The following MECOM variants were observed in gnomAD, a reference collection of about 807,000 sequenced individuals.
MECOM encodes MDS1 and EVI1 complex locus, also known as histone-lysine N-methyltransferase MECOM.
In MECOM, 13 loss-of-function variants were observed where a neutral mutation model predicts 116.3. The observed-to-expected ratio is 0.11, with a 90% CI of 0.07 to 0.18. MECOM has a LOEUF of 0.18. Ranked by LOEUF, MECOM falls within the 10% of genes least tolerant of loss-of-function variation. MECOM has a pLI of 1.00. For synonymous variants in MECOM, 528 were observed against 535.2 expected (o/e 0.99, Z 0.19); for missense variants, 1,299 against 1,509.0 (o/e 0.86, Z 2.31).
chr3:169,657,498 A>T (rs1178108495), intron 1 of MECOM, among the ~76,000 whole-genome samples: 1 of 152,230 alleles, frequency 6.6e-6, no homozygotes, highest in Non-Finnish European at 1.5e-5. Context: ...GAGTTTATTT[A>T]TTTAGAAACT....
intron 1 of MECOM, among the ~76,000 whole-genome samples, chr3:169,446,923 G>C (rs1744733450): frequency 6.6e-6 from 1 of 152,082 alleles, no homozygotes; most frequent in African/African-American, 2.4e-5. Flanking sequence ...TGCCATTGTG[G>C]TTCACTAAGT....
intron 1 of MECOM, among the ~76,000 whole-genome samples, chr3:169,431,888 T>C (rs1252794951): frequency 6.6e-6 from 1 of 152,152 alleles, no homozygotes; most frequent in African/African-American, 2.4e-5. Flanking sequence ...AGGAGGGAGC[T>C]GCTATCAGGT....
intron 1 of MECOM, among the ~76,000 whole-genome samples, chr3:169,536,571 GA>G (rs1344967683): frequency 6.6e-5 from 10 of 151,538 alleles, no homozygotes; most frequent in East Asian, 5.8e-4. Context: ...AAAAGAAAAA[GA>G]AAAAAATTAG....
chr3:169,281,809 CA>C (rs1342245329), intron 2 of MECOM, among the ~76,000 whole-genome samples: 2 of 150,904 alleles, frequency 1.3e-5, no homozygotes, highest in South Asian at 2.1e-4. Flanking sequence ...GATCCTGTCT[CA>C]AAAAAAAATT....
intron 1 of MECOM, among the ~76,000 whole-genome samples, chr3:169,597,261 A>G (rs748499019): frequency 6.6e-6 from 1 of 152,254 alleles, no homozygotes; most frequent in Non-Finnish European, 1.5e-5. Flanking sequence ...CAGTCATACT[A>G]AATGACAGCT....
At chr3:169,306,240 A>G (rs1323816960) in intron 2 of MECOM, among the ~76,000 whole-genome samples, 2 of 152,176 alleles carry the variant, frequency 1.3e-5, no homozygotes, top group Non-Finnish European at 2.9e-5. Flanking sequence ...TTATTAATTA[A>G]TATATACTAA....
chr3:169,097,818 A>AT lies in MECOM; in HGVS notation c.2850-2574_2850-2573insA, dbSNP rs1491185177. On this transcript the variant is annotated intron_variant, in intron 12 of 16. Coordinates refer to ENST00000651503, the MANE Select transcript of MECOM (RefSeq NM_004991.4). ...ACAGAGTGAGACCTACTGTCTATAT[A>AT]AAAAAAAAAAAAAAAAAAAAAAGGT... 4.5e-4 allele frequency among the ~76,000 whole-genome samples: 12 copies of AT among 26,704 alleles called. No individual in the cohort carries two copies. In the South Asian group the frequency reaches 5.9e-3, roughly 13 times the overall value. The allele number at this position is 26,704 out of a possible 152,430, so 17.5% of individuals were successfully genotyped here.
intron 9 of MECOM, among the ~76,000 whole-genome samples, chr3:169,109,016 A>C (rs984893576): frequency 7.9e-5 from 12 of 152,224 alleles, no homozygotes; most frequent in Admixed American, 2.0e-4. Flanking sequence ...ACCAAGGAAT[A>C]ATAGCCACTT....
At position 169,594,742 on chromosome 3, in the gene MECOM, G is replaced by A. The variant is rs74788453; in HGVS notation, c.37+68594C>T. ...TGGCTTTCATAACAAAGCTTATCCT[G>A]AGTCTCAAAGTTGATACTCTCTGAA... On this transcript the variant is annotated intron_variant, in intron 1 of 16. Transcript: ENST00000651503. 1.4e-3 allele frequency among the ~76,000 whole-genome samples: 214 copies of A among 151,800 alleles called. 1 individual carries two copies. The highest frequency in any genetic ancestry group is 5.0e-3 in the African/African-American group (206 of 41,360).
intron 1 of MECOM, among the ~76,000 whole-genome samples, chr3:169,446,035 T>C (rs899229759): frequency 1.8e-4 from 28 of 152,204 alleles, no homozygotes; most frequent in African/African-American, 6.5e-4. Context: ...TACAGGCTCA[T>C]AGGTGGAAGG....
intron 1 of MECOM, among the ~76,000 whole-genome samples, chr3:169,409,283 A>G (rs1343092669): frequency 6.6e-6 from 1 of 152,228 alleles, no homozygotes; most frequent in Non-Finnish European, 1.5e-5. Context: ...ACTTGATAAA[A>G]TCGAATAGAA....
At chr3:169,113,482 C>T (rs1164171256) in intron 8 of MECOM, among the ~76,000 whole-genome samples, 2 of 151,078 alleles carry the variant, frequency 1.3e-5, no homozygotes, top group Admixed American at 6.6e-5. Context: ...AATATATGCT[C>T]TTTGGATGCC....
At chr3:169,541,462 C>T (rs1201971111) in intron 1 of MECOM, among the ~76,000 whole-genome samples, 3 of 152,220 alleles carry the variant, frequency 2.0e-5, no homozygotes, top group African/African-American at 7.2e-5. Context: ...CTCTCAGAAG[C>T]CCTGACTGAA....
chr3:169,519,589 CAA>C (rs1265058372), intron 1 of MECOM, among the ~76,000 whole-genome samples: 3 of 152,204 alleles, frequency 2.0e-5, no homozygotes, highest in African/African-American at 7.2e-5. Flanking sequence ...TGGCTCTTGG[CAA>C]AGACTTTGCT....
chr3:169,366,479 G>GA (rs955019684), intron 2 of MECOM, among the ~76,000 whole-genome samples: 2 of 151,814 alleles, frequency 1.3e-5, no homozygotes, highest in Non-Finnish European at 2.9e-5. Flanking sequence ...ATACTCATCT[G>GA]AAAAAATGCT....
In MECOM at chr3:169,189,955, A is replaced by G. The variant is rs190815524; in HGVS notation, c.376-46123T>C. On this transcript the variant is annotated intron_variant, in intron 2 of 16. Coordinates refer to ENST00000651503, the MANE Select transcript of MECOM (RefSeq NM_004991.4). ...GACTAAATGTAATCCATCTCTTGTC[A>G]TGTTTATGATATCTGAACTCATCTT... Among the ~76,000 whole-genome samples the G allele has an allele frequency of 2.0e-4, 30 of 152,140 alleles. No homozygotes were observed. In the East Asian group the frequency reaches 5.6e-3, roughly 28 times the overall value.
At chr3:169,159,887 T>C (rs1742584673) in intron 2 of MECOM, among the ~76,000 whole-genome samples, 2 of 152,208 alleles carry the variant, frequency 1.3e-5, no homozygotes, top group African/African-American at 2.4e-5. Flanking sequence ...AAGTATCTCA[T>C]AGGGCTATTG....
chr3:169,470,900 G>T (rs1578188725), intron 1 of MECOM, among the ~76,000 whole-genome samples: 1 of 152,062 alleles, frequency 6.6e-6, no homozygotes, highest in East Asian at 1.9e-4. Context: ...ATTACAATAA[G>T]GCACACTTTT....
At chr3:169,199,119 T>C (rs1171377112) in intron 2 of MECOM, among the ~76,000 whole-genome samples, 2 of 152,108 alleles carry the variant, frequency 1.3e-5, no homozygotes, top group African/African-American at 4.8e-5. Context: ...ATGTGGAGCA[T>C]ACTTATTAAA....
Sources: gnomAD v4.1 joint callset for allele counts (sites outside exome capture counted in the v4.1 genomes callset) on GRCh38, gnomAD v4.1.1 for gene constraint, MANE v1.5 for transcripts, NCBI Gene and HGNC (gene_info 2026-07-23, HGNC 2026-07-21) for gene names.